Variants in SPAG16 observed in about 807,000 individuals in gnomAD.
The protein encoded by SPAG16 is sperm associated antigen 16, also known as sperm-associated antigen 16 protein.
SPAG16 carries 86 observed loss-of-function variants against 80.4 expected under a neutral mutation model. That is an observed-to-expected ratio of 1.07 (90% CI 0.90 to 1.28). The LOEUF (loss-of-function observed/expected upper bound fraction) is 1.28, where lower values mean the gene tolerates loss of function less well. Among genes scored for constraint, SPAG16 ranks in the 50% most tolerant of loss-of-function variants. SPAG16 has a pLI of 0.00. For synonymous variants in SPAG16, 294 were observed against 265.9 expected (o/e 1.11, Z -1.03); for missense variants, 870 against 765.3 (o/e 1.14, Z -1.61).
chr2:213,385,194 C>G (rs2067363907), intron 9 of SPAG16, among the ~76,000 whole-genome samples: 2 of 152,186 alleles, frequency 1.3e-5, no homozygotes, highest in African/African-American at 4.8e-5. Flanking sequence ...TATCCACTCT[C>G]ACAGGCTCAC....
At chr2:214,343,400 A>G (rs1159680213) in intron 15 of SPAG16, among the ~76,000 whole-genome samples, 1 of 152,158 alleles carries the variant, frequency 6.6e-6, no homozygotes, top group Non-Finnish European at 1.5e-5. Context: ...TTTAACACAC[A>G]TGAGTAATGA....
intron 12 of SPAG16, among the ~76,000 whole-genome samples, chr2:213,962,112 A>G (rs1406876668): frequency 1.3e-5 from 2 of 151,994 alleles, no homozygotes; most frequent in Admixed American, 1.3e-4. Context: ...AAGTAATTCT[A>G]TTTGGAGATA....
chr2:213,759,656 G>T (rs114503130), intron 10 of SPAG16, among the ~76,000 whole-genome samples: 1 of 151,206 alleles, frequency 6.6e-6, no homozygotes, highest in Non-Finnish European at 1.5e-5. Context: ...AGAAATTTAA[G>T]CAAATCACTA....
chr2:214,259,047 C>T (rs1690926694), intron 15 of SPAG16, among the ~76,000 whole-genome samples: 1 of 151,674 alleles, frequency 6.6e-6, no homozygotes, highest in South Asian at 2.1e-4. Context: ...GGAGTATTAC[C>T]TGTTTTTTCT....
At chr2:213,874,081 A>G (rs1204092624) in intron 11 of SPAG16, among the ~76,000 whole-genome samples, 2 of 152,132 alleles carry the variant, frequency 1.3e-5, no homozygotes. Flanking sequence ...AAAAAGTGGT[A>G]TACTTGTTTA....
intron 9 of SPAG16, among the ~76,000 whole-genome samples, chr2:213,461,814 G>A (rs1329734833): frequency 6.6e-6 from 1 of 152,152 alleles, no homozygotes; most frequent in African/African-American, 2.4e-5. Flanking sequence ...AATGCTATAG[G>A]AATAGATGAG....
chr2:214,033,249 G>C (rs1251660454), intron 13 of SPAG16, among the ~76,000 whole-genome samples: 3 of 152,140 alleles, frequency 2.0e-5, no homozygotes, highest in Non-Finnish European at 4.4e-5. Context: ...TGTGGGCAAG[G>C]GGAAATAAGG....
intron 10 of SPAG16, among the ~76,000 whole-genome samples, chr2:213,790,649 A>C (rs1185836078): frequency 1.3e-5 from 2 of 152,008 alleles, no homozygotes; most frequent in Non-Finnish European, 2.9e-5. Context: ...CAATGTGAGC[A>C]TACCAGTATT....
At chr2:214,007,425 A>T (rs987254135) in intron 12 of SPAG16, among the ~76,000 whole-genome samples, 1 of 151,768 alleles carries the variant, frequency 6.6e-6, no homozygotes, top group African/African-American at 2.4e-5. Context: ...GCAAGACTCT[A>T]TCTCTACAAA....
chr2:213,712,177 A>G (rs1184413605), intron 10 of SPAG16, among the ~76,000 whole-genome samples: 1 of 152,160 alleles, frequency 6.6e-6, no homozygotes, highest in Non-Finnish European at 1.5e-5. Context: ...ACATATAAGT[A>G]TACGTGTAAT....
chr2:214,139,533 G>A (rs72939915), intron 14 of SPAG16, among the ~76,000 whole-genome samples: 54,219 of 151,680 alleles, frequency 0.36, 10,027 homozygotes, highest in South Asian at 0.48. Context: ...AGAAAAGAGC[G>A]TCTTCAATTT....
At chr2:213,646,635 G>A (rs758868713) in intron 10 of SPAG16, among the ~76,000 whole-genome samples, 9 of 152,164 alleles carry the variant, frequency 5.9e-5, no homozygotes, top group African/African-American at 1.4e-4. Context: ...TTAAAAAGAC[G>A]TGAGTCCTCT....
intron 10 of SPAG16, among the ~76,000 whole-genome samples, chr2:213,604,790 G>C (rs1162041195): frequency 6.6e-6 from 1 of 150,850 alleles, no homozygotes; most frequent in Non-Finnish European, 1.5e-5. Context: ...TTCTTCATTT[G>C]CTTCAAGAAA....
At chr2:214,249,556 AAAAAAC>A (rs1690099847) in intron 15 of SPAG16, among the ~76,000 whole-genome samples, 1 of 152,188 alleles carries the variant, frequency 6.6e-6, no homozygotes, top group African/African-American at 2.4e-5. Flanking sequence ...TAGTAACTGT[AAAAAAC>A]AAATTATTTT....
At chr2:213,356,992 T>C (rs923463133) in intron 7 of SPAG16, among the ~76,000 whole-genome samples, 3 of 152,172 alleles carry the variant, frequency 2.0e-5, no homozygotes, top group Non-Finnish European at 1.5e-5. Context: ...ATTTCTGCCT[T>C]AATTTCGTTA....
chr2:213,381,173 T>C (rs1175417060), intron 9 of SPAG16, among the ~76,000 whole-genome samples: 2 of 152,130 alleles, frequency 1.3e-5, no homozygotes, highest in African/African-American at 2.4e-5. Context: ...TTGGGGTCTC[T>C]AGGAAAGGGC....
intron 1 of SPAG16, among the ~76,000 whole-genome samples, chr2:213,288,581 G>A (rs1348979309): frequency 6.6e-6 from 1 of 152,056 alleles, no homozygotes; most frequent in East Asian, 1.9e-4. Flanking sequence ...AAAGTGCTGG[G>A]ATTACAGGTG....
chr2:213,430,360 C>T (rs1191757463), intron 9 of SPAG16, among the ~76,000 whole-genome samples: 2 of 152,148 alleles, frequency 1.3e-5, no homozygotes, highest in Non-Finnish European at 2.9e-5. Context: ...CTCAGGTTAG[C>T]AAGCTTTTCT....
intron 13 of SPAG16, among the ~76,000 whole-genome samples, chr2:214,035,083 T>C (rs533062997): frequency 6.6e-6 from 1 of 152,032 alleles, no homozygotes; most frequent in African/African-American, 2.4e-5. Context: ...ACAGCTAGGG[T>C]GTCACAACAA....
Sources: allele counts gnomAD v4.1 joint callset (sites outside exome capture counted in the v4.1 genomes callset), GRCh38; gene constraint gnomAD v4.1.1; transcripts MANE v1.5; gene names NCBI Gene and HGNC (gene_info 2026-07-23, HGNC 2026-07-21).